Variants in ADGB observed in about 807,000 individuals in gnomAD.
ADGB encodes androglobin.
In ADGB, 172 loss-of-function variants were observed where a neutral mutation model predicts 210.5. The observed-to-expected ratio is 0.82, with a 90% CI of 0.72 to 0.93. ADGB has a LOEUF of 0.93. ADGB is among the 40% of genes least tolerant of loss of function. The pLI, the probability that ADGB is intolerant of heterozygous loss-of-function variation, is 0.00. For missense variants in ADGB, 2,025 were observed against 1,964.8 expected (o/e 1.03, Z -0.58); for synonymous variants, 658 against 662.7 (o/e 0.99, Z 0.11).
At chr6:146,768,239 T>C (rs1164037319) in intron 28 of ADGB, among the ~76,000 whole-genome samples, 2 of 152,234 alleles carry the variant, frequency 1.3e-5, no homozygotes, top group Admixed American at 6.5e-5. Flanking sequence ...TTCTGAAATT[T>C]TCTAAAGATA....
intron 33 of ADGB, among the ~76,000 whole-genome samples, chr6:146,790,154 C>A (rs1002350751): frequency 2.6e-5 from 4 of 151,994 alleles, no homozygotes; most frequent in African/African-American, 9.7e-5. Flanking sequence ...TAAATATATT[C>A]ATTACCTCAA....
chr6:146,812,673 CTTG>C (rs933761498), intron 35 of ADGB, among the ~76,000 whole-genome samples: 7 of 152,186 alleles, frequency 4.6e-5, no homozygotes, highest in Non-Finnish European at 8.8e-5. Flanking sequence ...GGAAGACAAA[CTTG>C]TTATCGACAT....
chr6:146,808,811 T>C (rs954347825), intron 35 of ADGB, among the ~76,000 whole-genome samples: 12 of 152,162 alleles, frequency 7.9e-5, no homozygotes, highest in Non-Finnish European at 1.3e-4. Context: ...TCCTAATTTT[T>C]TTTTTGAGAT....
intron 27 of ADGB, among the ~76,000 whole-genome samples, chr6:146,759,090 C>A (rs1011942261): frequency 6.6e-6 from 1 of 151,744 alleles, no homozygotes; most frequent in Non-Finnish European, 1.5e-5. Flanking sequence ...TTCTGGAGTA[C>A]CCCCACATAA....
At chr6:146,702,767 A>G (rs547028275) in intron 13 of ADGB, among the ~76,000 whole-genome samples, 103 of 152,020 alleles carry the variant, frequency 6.8e-4, no homozygotes, top group South Asian at 5.2e-3. Flanking sequence ...CTATAGATGA[A>G]ATCTTGGGTT....
chr6:146,690,827 T>A (rs1776294780), intron 10 of ADGB, among the ~76,000 whole-genome samples: 2 of 152,196 alleles, frequency 1.3e-5, no homozygotes, highest in Admixed American at 1.3e-4. Context: ...GACTAACTGG[T>A]GTGCTAAGAT....
intron 7 of ADGB, 98 bp downstream of exon 7, chr6:146,667,000 A>T: frequency 1.1e-6 from 1 of 913,746 alleles, no homozygotes; most frequent in Non-Finnish European, 1.6e-6. Flanking sequence ...AAGAAAGGTC[A>T]TGTTTTGCAA....
intron 3 of ADGB, among the ~76,000 whole-genome samples, chr6:146,651,739 C>A (rs999196214): frequency 5.9e-5 from 9 of 151,950 alleles, no homozygotes; most frequent in African/African-American, 1.9e-4. Flanking sequence ...TCAAAAGTAG[C>A]CCCTGGGATT....
At chr6:146,762,449 A>G (rs1777505840) in intron 27 of ADGB, among the ~76,000 whole-genome samples, 1 of 152,098 alleles carries the variant, frequency 6.6e-6, no homozygotes, top group Admixed American at 6.6e-5. Context: ...CCTTAAGCAC[A>G]TTTTAAATAG....
At chr6:146,803,546 C>G in intron 35 of ADGB, 1 of 1,581,280 alleles carries the variant, frequency 6.3e-7, no homozygotes, top group Non-Finnish European at 8.6e-7. Context: ...GTTTGTCCAA[C>G]TGTTCTATTT....
intron 1 of ADGB, among the ~76,000 whole-genome samples, chr6:146,609,840 G>A (rs943325056): frequency 6.6e-6 from 1 of 152,092 alleles, no homozygotes; most frequent in Non-Finnish European, 1.5e-5. Context: ...ATTCCCTTTT[G>A]GCAGTGAATC....
intron 1 of ADGB, among the ~76,000 whole-genome samples, chr6:146,628,960 A>T (rs958749): frequency 0.68 from 103,074 of 151,890 alleles, 35,004 homozygotes; most frequent in Middle Eastern, 0.7. Context: ...CTGAAATAAC[A>T]GGAAAATCAG....
At chr6:146,798,309 A>T (rs1583644152) in intron 33 of ADGB, among the ~76,000 whole-genome samples, 1 of 152,220 alleles carries the variant, frequency 6.6e-6, no homozygotes, top group African/African-American at 2.4e-5. Flanking sequence ...CAATTATTAT[A>T]AAACTATATT....
chr6:146,619,665 C>T (rs977140269), intron 1 of ADGB, among the ~76,000 whole-genome samples: 1 of 152,112 alleles, frequency 6.6e-6, no homozygotes, highest in Admixed American at 6.6e-5. Flanking sequence ...AAATTCTCAA[C>T]TTCAACATCA....
chr6:146,726,109 A>G lies in ADGB; in HGVS notation c.2264A>G (p.Tyr755Cys). Residue 755 changes from tyrosine to cysteine, a missense_variant, in exon 19 of 36, where the codon TAC becomes TGC. Physicochemically the swap from Tyr to Cys is radical, Grantham distance 194 (BLOSUM62 -2). Coordinates refer to ENST00000397944, the MANE Select transcript of ADGB (RefSeq NM_024694.4). ...AGACACATGCTACTCTTCAACGCAT[A>G]CTCCCCAGTAGGACACTCCATACAC... ...VGRHMLLFNA[Y>C]SPVGHSIHIC... 1 of 1,543,606 alleles carries G rather than the reference A, an allele frequency of 6.5e-7. No homozygotes were observed. The highest frequency in any genetic ancestry group is 1.2e-5 in the South Asian group (1 of 83,356).
chr6:146,670,495 A>T (rs1346052315), intron 7 of ADGB, among the ~76,000 whole-genome samples: 2 of 152,108 alleles, frequency 1.3e-5, no homozygotes, highest in Non-Finnish European at 2.9e-5. Flanking sequence ...CAGATTATTC[A>T]CCTAGCTGGG....
chr6:146,717,652 C>A, intron 16 of ADGB, 53 bp downstream of exon 16: 6 of 892,124 alleles, frequency 6.7e-6, no homozygotes, highest in East Asian at 3.1e-5. Context: ...TAGAATTGCA[C>A]CCGTAGAAAA....
intron 8 of ADGB, among the ~76,000 whole-genome samples, chr6:146,674,552 G>C (rs553462192): frequency 1.3e-5 from 2 of 152,080 alleles, no homozygotes; most frequent in Admixed American, 1.3e-4. Flanking sequence ...TGGGTAAACG[G>C]GTTTGGTAGG....
chr6:146,807,368 G>A (rs1470855977), intron 35 of ADGB: 4 of 1,544,868 alleles, frequency 2.6e-6, no homozygotes, highest in Non-Finnish European at 3.5e-6. Context: ...CTTTACCAGT[G>A]GAATTATTTG....
Sources: gnomAD v4.1 joint callset for allele counts (sites outside exome capture counted in the v4.1 genomes callset) on GRCh38, gnomAD v4.1.1 for gene constraint, MANE v1.5 for transcripts, NCBI Gene and HGNC (gene_info 2026-07-23, HGNC 2026-07-21) for gene names.